C16orf95: variants seen among roughly 807,000 people sequenced by gnomAD.
The protein encoded by C16orf95 is chromosome 16 open reading frame 95, also known as uncharacterized protein C16orf95.
A neutral mutation model predicts 32.1 loss-of-function variants in C16orf95; 41 were observed. The ratio of observed to expected loss-of-function variants is 1.28; its 90% CI spans 1.00 to 1.66. The LOEUF is 1.66. C16orf95 is among the 40% of genes most tolerant of loss of function. The pLI is 0.00. For synonymous variants in C16orf95, 147 were observed against 128.9 expected, an observed-to-expected ratio of 1.14 and a Z score of -0.95; for missense variants, 399 against 325.9, an observed-to-expected ratio of 1.22 and a Z score of -1.73.
rs746644093 is a variant in C16orf95 at position 87,305,739 on chromosome 16, C to T, written c.681G>A (p.Pro227=). The T allele has an allele frequency of 1.3e-5, 20 of 1,511,102 alleles. No individual in the cohort carries two copies. Among genetic ancestry groups the T allele is most frequent in the Non-Finnish European group, 1.7e-5 (19 of 1,135,256 alleles). The allele number at this position is 1,511,102 out of a possible 1,614,324, so 93.6% of individuals were successfully genotyped here. The change falls in exon 6 of 7, where the codon CCG becomes CCA. Residue 227 remains proline, a synonymous_variant. Transcript: ENST00000567970. The surrounding 1 kb of genome is among the most constrained non-coding windows in gnomAD (Gnocchi z 4.2). The part of the protein sequence containing the change: ...LGLLTLLQAI[P]RVIMAIRQCF... The stretch of plus-strand genomic sequence containing the variant: ...CTCACCGAATGGCCATGATGACCCT[C>T]GGGATGGCCTGGAGGAGGGTCAGGA...
chr16:87,307,126 C>T (rs1055132683), intron 5 of C16orf95, among the ~76,000 whole-genome samples: 2 of 152,268 alleles, frequency 1.3e-5, no homozygotes, highest in African/African-American at 4.8e-5. Flanking sequence ...CAGATTTACT[C>T]ATTCATAGAT....
intron 6 of C16orf95, chr16:87,303,429 C>T: frequency 4.1e-6 from 1 of 241,284 alleles, no homozygotes; most frequent in Non-Finnish European, 8.3e-6. Flanking sequence ...AGCCCACCCT[C>T]TCCCCCCACC....
Position 87,305,322 on chromosome 16 carries a change from C to T in C16orf95, c.701+397G>A, listed in dbSNP as rs1910964773. 6.6e-6 allele frequency among the ~76,000 whole-genome samples: 1 copy of T among 152,064 alleles called. No individual in the cohort carries two copies. The highest frequency in any genetic ancestry group is 6.5e-5 in the Admixed American group (1 of 15,276). On this transcript the variant is annotated intron_variant, in intron 6 of 6. Coordinates refer to ENST00000567970, the MANE Select transcript of C16orf95 (RefSeq NM_001195124.3). This position sits in a 1 kb window ranked among gnomAD's most constrained non-coding sequence, Gnocchi z 4.2. The stretch of plus-strand genomic sequence containing the variant: ...TCAAGCTGGGGACAGGCAAGAGGTC[C>T]CCATACCTGAGGGGGTGCTCAGAGC...
At chr16:87,310,884 A>G (rs1911251952) in intron 4 of C16orf95, among the ~76,000 whole-genome samples, 2 of 152,144 alleles carry the variant, frequency 1.3e-5, no homozygotes, top group South Asian at 4.1e-4. Context: ...GGGTGCCAGA[A>G]CAATCACCCC....
chr16:87,311,857 T>G (rs1223198332), intron 3 of C16orf95, among the ~76,000 whole-genome samples: 1 of 152,188 alleles, frequency 6.6e-6, no homozygotes, highest in African/African-American at 2.4e-5. Flanking sequence ...ACAGCCCGAA[T>G]ACCTTTCAGT....
chr16:87,314,923 C>A, intron 3 of C16orf95, 48 bp downstream of exon 3: 1 of 1,502,902 alleles, frequency 6.7e-7, no homozygotes, highest in South Asian at 1.2e-5. Context: ...GGTCAACTGA[C>A]ATTCACCCTG....
chr16:87,305,974 G>T lies in C16orf95; in HGVS notation c.515-69C>A. ...GGACTCTGTGAGCCACGAGGAGGCT[G>T]CAACACCAGCCCCAGAGCCTCCGGG... On this transcript the variant is annotated intron_variant, in intron 5 of 6. Coordinates refer to ENST00000567970, the MANE Select transcript of C16orf95 (RefSeq NM_001195124.3). The surrounding 1 kb of genome is among the most constrained non-coding windows in gnomAD (Gnocchi z 4.2). 1.6e-6 allele frequency: 2 copies of T among 1,226,734 alleles called. No homozygotes were observed. Among genetic ancestry groups the T allele is most frequent in the Non-Finnish European group, 2.1e-6 (2 of 942,484 alleles). The allele number at this position is 1,226,734 out of a possible 1,614,324, so 76.0% of individuals were successfully genotyped here.
Position 87,304,642 on chromosome 16 carries a change from C to G in C16orf95, c.701+1077G>C, listed in dbSNP as rs1000081212. On this transcript the variant is annotated intron_variant, in intron 6 of 6. Transcript: ENST00000567970. The stretch of plus-strand genomic sequence containing the variant: ...CCAGTGCATGGCCTGGAGAGGCTGG[C>G]GCCCAGGCCCACAAGGGACCCGTAC... Among the ~76,000 whole-genome samples, 8 of 152,328 alleles carry G rather than the reference C, an allele frequency of 5.3e-5. No homozygotes were observed. The East Asian group carries it at 1.5e-3, about 29-fold the overall frequency.
rs1904388974 is a variant in C16orf95, at chr16:87,317,213, C to G, written c.30G>C (p.Pro10=). MRASRSPPS[P]RRCHHHHEAT... ...CCTCATGATGATGGTGACAACGCCG[C>G]GGGGACGGTGGGGACCGGCTCGCAC... Residue 10 remains proline, a synonymous_variant, in exon 1 of 7, where the codon CCG becomes CCC. Transcript: ENST00000567970. The G allele has an allele frequency of 6.5e-7, 1 of 1,530,658 alleles. No homozygotes were observed. The highest frequency in any genetic ancestry group is 8.7e-7 in the Non-Finnish European group (1 of 1,144,410). 94.8% of individuals were successfully genotyped at this position (1,530,658 alleles called of 1,614,324 possible).
chr16:87,315,187 G>C, intron 2 of C16orf95, 91 bp from the exon 3 acceptor site: 1 of 1,342,158 alleles, frequency 7.5e-7, no homozygotes, highest in Non-Finnish European at 1.0e-6. Flanking sequence ...CCGTGCTCAG[G>C]AAGATGGTGT....
chr16:87,317,144 C>A lies in C16orf95; in HGVS notation c.99G>T (p.Ala33=), dbSNP rs113529974. The A allele has an allele frequency of 2.6e-6, 4 of 1,534,244 alleles. No individual in the cohort carries two copies. The Admixed American group carries it at 7.9e-5, about 30-fold the overall frequency. ...CCAACCTGCAGAGCCCGACGCACCCCGCGCCCGGCCCCCCGGCAGCAGCGC... is the reference window on the plus strand; with the variant it reads ...CCAACCTGCAGAGCCCGACGCACCCAGCGCCCGGCCCCCCGGCAGCAGCGC... ...ASGAAAGGPG[A]GCVGLCRLAL... The change falls in exon 1 of 7, where the codon GCG becomes GCT. Residue 33 remains alanine (A), a synonymous_variant. Transcript: ENST00000567970.
At chr16:87,304,391 A>ACTGTGCCCGGCCTCGC (rs1451189607) in intron 6 of C16orf95, among the ~76,000 whole-genome samples, 84 of 151,410 alleles carry the variant, frequency 5.5e-4, no homozygotes, top group East Asian at 5.0e-3. Context: ...GGTGTGGGCC[A>ACTGTGCCCGGCCTCGC]CCATGCCCAG....
intron 5 of C16orf95, among the ~76,000 whole-genome samples, chr16:87,308,642 C>T (rs572116723): frequency 4.6e-4 from 70 of 152,338 alleles, no homozygotes; most frequent in Non-Finnish European, 9.1e-4. Flanking sequence ...GATGGGACCA[C>T]GTTCAGCTCT....
At chr16:87,307,156 T>C (rs1911065888) in intron 5 of C16orf95, among the ~76,000 whole-genome samples, 1 of 152,102 alleles carries the variant, frequency 6.6e-6, no homozygotes, top group Non-Finnish European at 1.5e-5. Flanking sequence ...GCAAACTCAC[T>C]ACAAAGAGTT....
At chr16:87,306,933 A>C (rs1214356725) in intron 5 of C16orf95, among the ~76,000 whole-genome samples, 1 of 152,236 alleles carries the variant, frequency 6.6e-6, no homozygotes, top group African/African-American at 2.4e-5. Context: ...AAAAGATGCA[A>C]AGGTTTCAAA....
At chr16:87,303,437 AC>A (rs773589670) in intron 6 of C16orf95, 3 of 226,168 alleles carry the variant, frequency 1.3e-5, no homozygotes, top group African/African-American at 4.4e-5. Flanking sequence ...CTCTCCCCCC[AC>A]CCCCGGCTGC....
rs1910827524 is a variant in C16orf95, at chr16:87,302,909, A to G, written c.*148T>C. ...TGCTACAACCAAGAATCACCTGATG[A>G]GAAATCATTTGGGTTGAATCCTGGG... On this transcript the variant is annotated 3_prime_UTR_variant, in exon 7 of 7. Coordinates refer to ENST00000567970, the MANE Select transcript of C16orf95 (RefSeq NM_001195124.3). 1.2e-6 allele frequency: 1 copy of G among 803,442 alleles called. No homozygotes were observed. The highest frequency in any genetic ancestry group is 2.1e-5 in the Admixed American group (1 of 46,942). 49.8% of individuals were successfully genotyped at this position (803,442 alleles called of 1,614,324 possible).
At position 87,311,200 on chromosome 16, in the gene C16orf95, G is replaced by T; in HGVS notation, c.427C>A (p.Gln143Lys). Reference sequence around the variant, plus strand: ...GGCACCCAGTAGGGCATCACTGCCTGGTCCCTAGGCATCGGGAGGCGGCCC... The same window carrying T: ...GGCACCCAGTAGGGCATCACTGCCTTGTCCCTAGGCATCGGGAGGCGGCCC... ...FGGRLPMPRD[Q>K]AVMPYWVPQV... Residue 143 changes from glutamine to lysine, a missense_variant, in exon 4 of 7, where the codon CAG (glutamine) becomes AAG (lysine). Transcript: ENST00000567970. 1 of 1,535,698 alleles carries T rather than the reference G, an allele frequency of 6.5e-7. No homozygotes were observed. The highest frequency in any genetic ancestry group is 8.7e-7 in the Non-Finnish European group (1 of 1,146,562).
At chr16:87,303,632 C>G (rs1345627276) in intron 6 of C16orf95, 1 of 158,048 alleles carries the variant, frequency 6.3e-6, no homozygotes, top group Non-Finnish European at 1.4e-5. Flanking sequence ...AAGCAGACAC[C>G]TGCTATGGAA....
Sources: allele counts gnomAD v4.1 joint callset (sites outside exome capture counted in the v4.1 genomes callset), GRCh38; gene constraint gnomAD v4.1.1; non-coding constraint Gnocchi (gnomAD v3.1); transcripts MANE v1.5; gene names NCBI Gene and HGNC (gene_info 2026-07-23, HGNC 2026-07-21).